Variants in SNRNP70 observed in about 807,000 individuals in gnomAD.
SNRNP70 encodes the protein U1 small nuclear ribonucleoprotein 70 kDa.
A neutral mutation model predicts 50.5 loss-of-function variants in SNRNP70; 8 were observed. That is an observed-to-expected ratio of 0.16 (90% CI 0.09 to 0.29). SNRNP70 has a LOEUF of 0.29. Among genes scored for constraint, SNRNP70 ranks in the 10% least tolerant of loss-of-function variants. The pLI is 1.00. For synonymous variants in SNRNP70, 320 were observed against 252.9 expected (o/e 1.27, Z -2.52); for missense variants, 529 against 663.5 (o/e 0.80, Z 2.23).
At chr19:49,091,037 C>T (rs1395146140) in intron 4 of SNRNP70, among the ~76,000 whole-genome samples, 1 of 152,154 alleles carries the variant, frequency 6.6e-6, no homozygotes, top group Admixed American at 6.6e-5. Context: ...CAGTGTTTCA[C>T]TCAGCAGGGG....
At chr19:49,103,724 A>T (rs79574807) in intron 7 of SNRNP70, 1 of 152,444 alleles carries the variant, frequency 6.6e-6, no homozygotes, top group Non-Finnish European at 1.5e-5. Flanking sequence ...TTTGGCCTTC[A>T]TGACAGCCCC....
Position 49,104,163 on chromosome 19 carries a change from A to C in SNRNP70, c.476-471A>C, listed in dbSNP as rs2040632422. Reference sequence around the variant, plus strand: ...TCCAAAAAAAACAAAAACAGAAAAAACCGGTGTGGTCTGGGGTGCGGAGCG... The same window carrying C: ...TCCAAAAAAAACAAAAACAGAAAAACCCGGTGTGGTCTGGGGTGCGGAGCG... On this transcript the variant is annotated intron_variant, in intron 7 of 9. Coordinates refer to ENST00000598441, the MANE Select transcript of SNRNP70 (RefSeq NM_003089.6). The surrounding 1 kb of genome is among the most constrained non-coding windows in gnomAD (Gnocchi z 5.4). 6.6e-6 allele frequency: 1 copy of C among 151,088 alleles called. No homozygotes were observed. Among genetic ancestry groups the C allele is most frequent in the Non-Finnish European group, 1.5e-5 (1 of 68,900 alleles). 9.4% of individuals were successfully genotyped at this position (151,088 alleles called of 1,614,324 possible).
At chr19:49,101,534 C>T in intron 7 of SNRNP70, 63 bp downstream of exon 7, 4 of 1,183,026 alleles carry the variant, frequency 3.4e-6, no homozygotes, top group Non-Finnish European at 3.8e-6. Context: ...GCCCCAGCCC[C>T]TCCCAGTCTG....
At chr19:49,101,528 C>T in intron 7 of SNRNP70, 57 bp downstream of exon 7, 1 of 1,219,432 alleles carries the variant, frequency 8.2e-7, no homozygotes, top group Non-Finnish European at 1.2e-6. Context: ...TCTGCTGCCC[C>T]AGCCCCTCCC....
At chr19:49,098,318 G>C in intron 4 of SNRNP70, 109 bp from the exon 5 acceptor site, 5 of 865,414 alleles carry the variant, frequency 5.8e-6, no homozygotes, top group Non-Finnish European at 7.5e-6. Context: ...CCAGTTAGGG[G>C]CCTCTCCCAA....
Position 49,098,710 on chromosome 19 carries a change from T to TG in SNRNP70, c.393+8dup, listed in dbSNP as rs1568420655. ...TGTACGGACCTATCAAAAGAGTAAG[T>TG]GGAGTGGGTCAGGGTGTTTGAATTG... On this transcript the variant is annotated splice_region_variant and intron_variant, in intron 6 of 9. Coordinates refer to ENST00000598441, the MANE Select transcript of SNRNP70 (RefSeq NM_003089.6). 1 of 1,612,470 alleles carries TG rather than the reference T, an allele frequency of 6.2e-7. No homozygotes were observed. The highest frequency in any genetic ancestry group is 8.5e-7 in the Non-Finnish European group (1 of 1,178,670).
At chr19:49,097,124 C>CT (rs1491135969) in intron 4 of SNRNP70, among the ~76,000 whole-genome samples, 17 of 145,650 alleles carry the variant, frequency 1.2e-4, no homozygotes, top group Non-Finnish European at 2.1e-4. Flanking sequence ...GAGCAAGACT[C>CT]TGTTTAAAAA....
In SNRNP70 at chr19:49,108,538, C is replaced by T. The variant is rs1274284662; in HGVS notation, c.*95C>T. 1.2e-5 allele frequency: 18 copies of T among 1,460,510 alleles called. No individual in the cohort carries two copies. Among genetic ancestry groups the T allele is most frequent in the African/African-American group, 8.5e-5 (6 of 70,530 alleles). 90.5% of individuals were successfully genotyped at this position (1,460,510 alleles called of 1,614,324 possible). On this transcript the variant is annotated 3_prime_UTR_variant, in exon 10 of 10. Transcript: ENST00000598441. ...CCAACCTTGGCCACTTGAGTTTGTC[C>T]TCCAAGGGTAGGTGTCTCATTTGTT...
chr19:49,086,697 C>T (rs1403751025), intron 2 of SNRNP70, 136 bp downstream of exon 2: 3 of 837,136 alleles, frequency 3.6e-6, no homozygotes, highest in African/African-American at 1.7e-5. Flanking sequence ...CTCAGTTTCT[C>T]TGTTTTAAAT....
chr19:49,097,057 G>C (rs1240479560), intron 4 of SNRNP70, among the ~76,000 whole-genome samples: 1 of 152,014 alleles, frequency 6.6e-6, no homozygotes, highest in East Asian at 1.9e-4. Context: ...TTGAACCTCG[G>C]AGGCAGAGGT....
At chr19:49,101,548 C>G in intron 7 of SNRNP70, 77 bp downstream of exon 7, 1 of 915,294 alleles carries the variant, frequency 1.1e-6, no homozygotes, top group Non-Finnish European at 1.8e-6. Flanking sequence ...CAGTCTGTCC[C>G]CTCCCCCACC....
chr19:49,090,505 A>C lies in SNRNP70; in HGVS notation c.250A>C (p.Thr84Pro). 1 of 1,614,068 alleles carries C rather than the reference A, an allele frequency of 6.2e-7. No individual in the cohort carries two copies. Among genetic ancestry groups the C allele is most frequent in the Non-Finnish European group, 8.5e-7 (1 of 1,180,004 alleles). ...TGAGCGGCGACAGCAAGAAGTGGAGACAGAGCTTAAAATGTGTAAGTCTCT... is the reference window on the plus strand; with the variant it reads ...TGAGCGGCGACAGCAAGAAGTGGAGCCAGAGCTTAAAATGTGTAAGTCTCT... The part of the protein sequence containing the change: ...KIERRQQEVE[T>P]ELKMWDPHND... The change falls in exon 4 of 10, where the codon ACA becomes CCA. Residue 84 changes from threonine (T) to proline (P), a missense_variant. Coordinates refer to ENST00000598441, the MANE Select transcript of SNRNP70 (RefSeq NM_003089.6).
intron 4 of SNRNP70, among the ~76,000 whole-genome samples, chr19:49,097,520 A>G (rs2387768): frequency 0.36 from 55,180 of 152,052 alleles, 10,617 homozygotes; most frequent in South Asian, 0.45. Flanking sequence ...AAAAAATTGC[A>G]ACCTCTGGCA....
intron 4 of SNRNP70, 105 bp from the exon 5 acceptor site, chr19:49,098,322 C>G (rs2040538646): frequency 1.1e-6 from 1 of 931,588 alleles, no homozygotes; most frequent in Non-Finnish European, 1.7e-6. Flanking sequence ...TTAGGGGCCT[C>G]TCCCAATGCC....
At position 49,104,615 on chromosome 19, in the gene SNRNP70, C is replaced by A. The variant is rs1289661220; in HGVS notation, c.476-19C>A. ...CTCTGGGGACTCCTCTCCCCTCCCC[C>A]TCCCCACATCTGTTACAGCCGCTTA... is the stretch of plus-strand genomic sequence containing the variant. On this transcript the variant is annotated intron_variant, in intron 7 of 9. Transcript: ENST00000598441. The surrounding 1 kb of genome is among the most constrained non-coding windows in gnomAD (Gnocchi z 5.4). 6.5e-7 allele frequency: 1 copy of A among 1,544,936 alleles called. No individual in the cohort carries two copies. The highest frequency in any genetic ancestry group is 2.0e-5 in the Admixed American group (1 of 51,034).
At position 49,107,871 on chromosome 19, in the gene SNRNP70, C is replaced by G; in HGVS notation, c.742C>G (p.Arg248Gly). The stretch of plus-strand genomic sequence containing the variant: ...GGAGCGCAGAGAGCGGAGCCGGGAG[C>G]GAGACAAGGAGCGAGAACGGCGACG... ...ERERRERSRE[R>G]DKERERRRSR... Residue 248 changes from arginine (R) to glycine (G), a missense_variant, in exon 10 of 10, where the codon CGA (arginine) becomes GGA (glycine). Coordinates refer to ENST00000598441, the MANE Select transcript of SNRNP70 (RefSeq NM_003089.6). The surrounding 1 kb of genome is among the most constrained non-coding windows in gnomAD (Gnocchi z 6.0). 1 of 1,556,050 alleles carries G rather than the reference C, an allele frequency of 6.4e-7. No homozygotes were observed. The highest frequency in any genetic ancestry group is 8.7e-7 in the Non-Finnish European group (1 of 1,150,816).
chr19:49,099,752 A>AAAAT (rs1555737881), intron 6 of SNRNP70, among the ~76,000 whole-genome samples: 7 of 148,762 alleles, frequency 4.7e-5, no homozygotes, highest in African/African-American at 1.7e-4. Flanking sequence ...AAAAAAAAAA[A>AAAAT]GTATTGTAGG....
chr19:49,107,664 T>C lies in SNRNP70; in HGVS notation c.617T>C (p.Val206Ala). ...LGGTRRGGAD[V>A]NIRHSGRDDT... is the part of the protein sequence containing the mutation. ...GGTACCAGAAGAGGAGGGGCTGATGTGAACATCCGGCATTCAGGCCGCGAT... is the reference window on the plus strand; with the variant it reads ...GGTACCAGAAGAGGAGGGGCTGATGCGAACATCCGGCATTCAGGCCGCGAT... Residue 206 changes from valine (V) to alanine (A), a missense_variant, in exon 9 of 10, where the codon GTG becomes GCG. By Grantham distance (64) the Val-to-Ala change is moderately conservative. Coordinates refer to ENST00000598441, the MANE Select transcript of SNRNP70 (RefSeq NM_003089.6). This position sits in a 1 kb window ranked among gnomAD's most constrained non-coding sequence, Gnocchi z 6.0. 2 of 1,613,998 alleles carry C rather than the reference T, an allele frequency of 1.2e-6. No homozygotes were observed. Among genetic ancestry groups the C allele is most frequent in the Admixed American group, 1.7e-5 (1 of 60,016 alleles).
intron 2 of SNRNP70, among the ~76,000 whole-genome samples, chr19:49,089,656 AT>A (rs71179085): frequency 2.1e-3 from 176 of 82,596 alleles, no homozygotes; most frequent in African/African-American, 5.5e-3. Context: ...TTGAGACAGG[AT>A]TTTTTTTTTT....
Sources: gnomAD v4.1 joint callset for allele counts (sites outside exome capture counted in the v4.1 genomes callset) on GRCh38, gnomAD v4.1.1 for gene constraint, Gnocchi (gnomAD v3.1) non-coding constraint, MANE v1.5 for transcripts, NCBI Gene and HGNC (gene_info 2026-07-23, HGNC 2026-07-21) for gene names.